KIT: variants seen among roughly 807,000 people sequenced by gnomAD.
KIT encodes the protein mast/stem cell growth factor receptor Kit.
A neutral mutation model predicts 105.7 loss-of-function variants in KIT; 16 were observed. That is an observed-to-expected ratio of 0.15 (90% CI 0.10 to 0.23). KIT has a LOEUF of 0.23. KIT is among the 10% of genes least tolerant of loss of function. The pLI is 1.00. For missense variants in KIT, 858 were observed against 1,213.8 expected (o/e 0.71, Z 4.36); for synonymous variants, 438 against 441.1 (o/e 0.99, Z 0.09).
At chr4:54,723,559 T>TA (rs1722022310) in intron 7 of KIT, 25 bp from the exon 8 acceptor site, 1 of 1,479,520 alleles carries the variant, frequency 6.8e-7, no homozygotes. Flanking sequence ...CACTCTGACA[T>TA]ATGGCCATTT....
chr4:54,676,365 C>T (rs529139601), intron 1 of KIT, among the ~76,000 whole-genome samples: 2 of 152,356 alleles, frequency 1.3e-5, no homozygotes, highest in East Asian at 3.9e-4. Context: ...GTAAAAATTA[C>T]TGGGCTTTGT....
chr4:54,669,398 G>A (rs1171548030), intron 1 of KIT, among the ~76,000 whole-genome samples: 1 of 152,248 alleles, frequency 6.6e-6, no homozygotes, highest in Non-Finnish European at 1.5e-5. Flanking sequence ...GTGTGTGCCT[G>A]CGAGTGAGGT....
intron 8 of KIT, among the ~76,000 whole-genome samples, 186 bp downstream of exon 8, chr4:54,723,884 T>G (rs1198313608): frequency 2.0e-5 from 3 of 152,244 alleles, no homozygotes; most frequent in Admixed American, 6.5e-5. Flanking sequence ...TAATTTTGTT[T>G]GCTGAAAAAT....
At chr4:54,732,057 T>A (rs1480625182) in intron 16 of KIT, 59 bp downstream of exon 16, 1 of 1,523,614 alleles carries the variant, frequency 6.6e-7, no homozygotes, top group South Asian at 1.2e-5. Flanking sequence ...TTTTTTTTTT[T>A]TTTTTTTTTT....
chr4:54,724,696 A>G (rs78184082), intron 8 of KIT, among the ~76,000 whole-genome samples: 10,452 of 152,110 alleles, frequency 0.069, 1,173 homozygotes, highest in African/African-American at 0.24. Context: ...CTACACTGGA[A>G]GAAGACGACT....
chr4:54,690,128 T>C (rs1052438292), intron 1 of KIT, among the ~76,000 whole-genome samples: 1 of 151,402 alleles, frequency 6.6e-6, no homozygotes, highest in African/African-American at 2.4e-5. Context: ...TTGGACCACA[T>C]TGGGTTTTAT....
intron 7 of KIT, among the ~76,000 whole-genome samples, chr4:54,710,912 C>T (rs958203258): frequency 6.6e-6 from 1 of 152,144 alleles, no homozygotes; most frequent in African/African-American, 2.4e-5. Flanking sequence ...CATGTTGAGC[C>T]AGCATCTGTC....
chr4:54,711,928 CAAAA>C (rs549683976), intron 7 of KIT, among the ~76,000 whole-genome samples: 2 of 73,870 alleles, frequency 2.7e-5, no homozygotes, highest in Non-Finnish European at 2.9e-5. Flanking sequence ...GAGTCCGTCT[CAAAA>C]AAAAAAAAAA....
rs1722278741 is a variant in KIT, at chr4:54,727,213, T to C, written c.1541-5T>C. 4 of 1,613,240 alleles carry C rather than the reference T, an allele frequency of 2.5e-6. No individual in the cohort carries two copies. The highest frequency in any genetic ancestry group is 3.4e-6 in the Non-Finnish European group (4 of 1,179,306). ...TTGTGATTCCACATTTCTCTTCCAT[T>C]GTAGAGCAAATCCATCCCCACACCC... is the stretch of plus-strand genomic sequence containing the variant. On this transcript the variant is annotated splice_polypyrimidine_tract_variant and splice_region_variant and intron_variant, in intron 9 of 20. Coordinates refer to ENST00000288135, the MANE Select transcript of KIT (RefSeq NM_000222.3).
intron 1 of KIT, 97 bp downstream of exon 1, chr4:54,658,178 T>G (rs1248325551): frequency 3.2e-5 from 40 of 1,256,316 alleles, no homozygotes; most frequent in Non-Finnish European, 4.6e-5. Flanking sequence ...GAGAGAGGAC[T>G]GCGGGCCCTC....
At chr4:54,676,498 T>A (rs1162825277) in intron 1 of KIT, among the ~76,000 whole-genome samples, 1 of 152,140 alleles carries the variant, frequency 6.6e-6, no homozygotes, top group Non-Finnish European at 1.5e-5. Context: ...CTAAGAAAGA[T>A]AGATATGAGT....
Position 54,728,007 on chromosome 4 carries a change from T to C in KIT, c.1880-4T>C. On this transcript the variant is annotated splice_region_variant and splice_polypyrimidine_tract_variant and intron_variant, in intron 12 of 20. Coordinates refer to ENST00000288135, the MANE Select transcript of KIT (RefSeq NM_000222.3). Reference sequence around the variant, plus strand: ...TTTGCTAAAATGCATGTTTCCAATTTTAGCGAGTGCCCATTTGACAGAACG... The same window carrying C: ...TTTGCTAAAATGCATGTTTCCAATTCTAGCGAGTGCCCATTTGACAGAACG... The C allele has an allele frequency of 6.2e-7, 1 of 1,613,974 alleles. No homozygotes were observed. The highest frequency in any genetic ancestry group is 8.5e-7 in the Non-Finnish European group (1 of 1,179,876).
Position 54,740,447 on chromosome 4 carries a change from A to G in KIT, c.*1890A>G. The G allele has an allele frequency of 4.3e-6, 1 of 233,374 alleles. No individual in the cohort carries two copies. The highest frequency in any genetic ancestry group is 8.5e-6 in the Non-Finnish European group (1 of 117,870). 14.5% of individuals were successfully genotyped at this position (233,374 alleles called of 1,614,324 possible). On this transcript the variant is annotated 3_prime_UTR_variant, in exon 21 of 21. Transcript: ENST00000288135. ...GTTTATATTTTTATAATTTTTTCTT[A>G]CATCAGATGTTTCTTTGCAGTGGCT...
In KIT at chr4:54,739,390, A is replaced by G. The variant is rs557023678; in HGVS notation, c.*833A>G. The G allele has an allele frequency of 5.4e-4, 127 of 233,652 alleles. 1 individual carries two copies. The highest frequency in any genetic ancestry group is 2.6e-3 in the African/African-American group (117 of 45,472). The allele number at this position is 233,652 out of a possible 1,614,324, so 14.5% of individuals were successfully genotyped here. A position where few individuals can be genotyped will look rare whatever the true frequency, so the allele number is the denominator to read the frequency against. ...GTTAATACCATTTTTTAAGGAAACA[A>G]TATAACCACAAAGCACAGTTTGAAC... On this transcript the variant is annotated 3_prime_UTR_variant, in exon 21 of 21. Transcript: ENST00000288135.
Position 54,729,439 on chromosome 4 carries a change from G to A in KIT, c.2095G>A (p.Glu699Lys). The change falls in exon 14 of 21, where the codon GAA becomes AAA. Residue 699 changes from glutamate to lysine, a missense_variant. Physicochemically the swap from Glu to Lys is moderately conservative, Grantham distance 56. Coordinates refer to ENST00000288135, the MANE Select transcript of KIT (RefSeq NM_000222.3). The stretch of plus-strand genomic sequence containing the variant: ...TTGTTCAAAGCAGGAAGATCATGCA[G>A]AAGCTGCACTTTATAAGAATCTTCT... ...FICSKQEDHA[E>K]AALYKNLLHS... The A allele has an allele frequency of 6.2e-7, 1 of 1,613,744 alleles. No homozygotes were observed. Among genetic ancestry groups the A allele is most frequent in the Non-Finnish European group, 8.5e-7 (1 of 1,179,796 alleles).
At chr4:54,721,596 T>C (rs1488916108) in intron 7 of KIT, among the ~76,000 whole-genome samples, 6 of 152,162 alleles carry the variant, frequency 3.9e-5, no homozygotes. Context: ...CAGGGCCAGG[T>C]TGAGTGACAG....
intron 2 of KIT, 34 bp downstream of exon 2, chr4:54,695,815 C>T (rs752866728): frequency 1.2e-5 from 19 of 1,613,120 alleles, no homozygotes; most frequent in Non-Finnish European, 1.5e-5. Context: ...GCTGTGCTTT[C>T]AAGAATTTAA....
chr4:54,668,805 G>A (rs2109560694), intron 1 of KIT, among the ~76,000 whole-genome samples: 1 of 152,236 alleles, frequency 6.6e-6, no homozygotes, highest in Admixed American at 6.5e-5. Context: ...ATTCTACTTG[G>A]AAAGACTGAA....
intron 14 of KIT, among the ~76,000 whole-genome samples, chr4:54,731,074 C>A (rs888019424): frequency 6.6e-6 from 1 of 152,162 alleles, no homozygotes; most frequent in African/African-American, 2.4e-5. Context: ...CGGGAAATTT[C>A]TAACCTGAGT....
Sources: allele counts gnomAD v4.1 joint callset (sites outside exome capture counted in the v4.1 genomes callset), GRCh38; gene constraint gnomAD v4.1.1; transcripts MANE v1.5; gene names NCBI Gene and HGNC (gene_info 2026-07-23, HGNC 2026-07-21).